The following RDH12 variants were observed in gnomAD, a reference collection of about 807,000 sequenced individuals.
The protein encoded by RDH12 is all-trans and 9-cis retinol dehydrogenase.
A neutral mutation model predicts 34.0 loss-of-function variants in RDH12; 21 were observed. The observed-to-expected ratio is 0.62, with a 90% confidence interval of 0.44 to 0.89. RDH12 has a LOEUF of 0.89. Ranked by LOEUF, RDH12 falls within the 40% of genes least tolerant of loss-of-function variation. The pLI is 0.00. For missense variants in RDH12, 394 were observed against 398.6 expected (o/e 0.99, Z 0.10); for synonymous variants, 198 against 169.9 (o/e 1.17, Z -1.29).
At chr14:67,728,601 A>G (rs2038221091) in intron 7 of RDH12, among the ~76,000 whole-genome samples, 1 of 151,966 alleles carries the variant, frequency 6.6e-6, no homozygotes. Flanking sequence ...CTATTTTACA[A>G]GCCTCTTTAA....
At chr14:67,708,360 GT>G (rs2037972732) in intron 1 of RDH12, among the ~76,000 whole-genome samples, 1 of 152,156 alleles carries the variant, frequency 6.6e-6, no homozygotes, top group Admixed American at 6.5e-5. Flanking sequence ...AGTCCTGAAA[GT>G]TTTTTCCTCT....
At chr14:67,707,772 T>C (rs368610780) in intron 1 of RDH12, among the ~76,000 whole-genome samples, 2 of 152,238 alleles carry the variant, frequency 1.3e-5, no homozygotes, top group East Asian at 3.8e-4. Context: ...CAAATACCTA[T>C]GAATTGAGTT....
intron 3 of RDH12, among the ~76,000 whole-genome samples, chr14:67,723,387 C>T (rs773030793): frequency 1.8e-4 from 27 of 152,186 alleles, no homozygotes; most frequent in Non-Finnish European, 2.9e-4. Flanking sequence ...GCAGGTGCCA[C>T]TACACCCAGC....
chr14:67,729,000 G>T (rs1477152037), intron 7 of RDH12, among the ~76,000 whole-genome samples, 191 bp from the exon 8 acceptor site: 2 of 152,190 alleles, frequency 1.3e-5, no homozygotes, highest in African/African-American at 4.8e-5. Context: ...AGGCTGAGAA[G>T]GCTATAGATC....
intron 4 of RDH12, 94 bp from the exon 5 acceptor site, chr14:67,725,005 T>A (rs2038167893): frequency 2.9e-6 from 4 of 1,374,364 alleles, no homozygotes; most frequent in African/African-American, 1.4e-5. Context: ...GCTGGGAGAA[T>A]GAATGCTCTG....
intron 1 of RDH12, among the ~76,000 whole-genome samples, chr14:67,713,821 C>T (rs1223174501): frequency 6.6e-6 from 1 of 152,100 alleles, no homozygotes; most frequent in East Asian, 1.9e-4. Context: ...AAATGAACAT[C>T]GGTTTGGTCT....
At chr14:67,729,158 G>T in intron 7 of RDH12, 33 bp from the exon 8 acceptor site, 1 of 1,606,536 alleles carries the variant, frequency 6.2e-7, no homozygotes, top group Non-Finnish European at 8.5e-7. Flanking sequence ...CTCAGAGTGT[G>T]TCCCTGATCT....
In RDH12 at chr14:67,734,027, C is replaced by A. The variant is rs972316580; in HGVS notation, c.*179C>A. The A allele has an allele frequency of 3.6e-6, 2 of 555,996 alleles. No individual in the cohort carries two copies. Among genetic ancestry groups the A allele is most frequent in the African/African-American group, 3.8e-5 (2 of 53,158 alleles). 34.4% of individuals were successfully genotyped at this position (555,996 alleles called of 1,614,324 possible). The stretch of plus-strand genomic sequence containing the variant: ...ACACCTGACACTCTTGTGAGACTGG[C>A]TTATGGCATGAGTTGTGGACACCTA... On this transcript the variant is annotated 3_prime_UTR_variant, in exon 9 of 9. Coordinates refer to ENST00000551171, the MANE Select transcript of RDH12 (RefSeq NM_152443.3).
intron 1 of RDH12, among the ~76,000 whole-genome samples, chr14:67,711,711 G>A (rs2038010235): frequency 6.6e-6 from 1 of 152,054 alleles, no homozygotes; most frequent in Non-Finnish European, 1.5e-5. Context: ...ACAACACTAG[G>A]CAGTTCTCAG....
At chr14:67,710,135 C>T (rs1043520496) in intron 1 of RDH12, among the ~76,000 whole-genome samples, 1 of 152,182 alleles carries the variant, frequency 6.6e-6, no homozygotes, top group African/African-American at 2.4e-5. Flanking sequence ...TGATTGATGT[C>T]TCATGTCTCC....
rs564474436 is a variant in RDH12 at position 67,733,860 on chromosome 14, G to C, written c.*12G>C. On this transcript the variant is annotated 3_prime_UTR_variant, in exon 9 of 9. Coordinates refer to ENST00000551171, the MANE Select transcript of RDH12 (RefSeq NM_152443.3). ...TCCGGTGGGAGTAGCTGGTGGAAGA[G>C]CTGCAGCTTTATCAGGCCCAATCCA... is the stretch of plus-strand genomic sequence containing the variant. The C allele has an allele frequency of 6.3e-6, 10 of 1,590,422 alleles. No individual in the cohort carries two copies. In the Admixed American group the frequency reaches 1.5e-4, roughly 24 times the overall value.
rs779597637 is a variant in RDH12, at chr14:67,726,117, C to G, written c.410C>G (p.Ala137Gly). Residue 137 changes from alanine (A) to glycine (G), a missense_variant, in exon 6 of 9, where the codon GCT becomes GGT. By Grantham distance (60) the Ala-to-Gly change is moderately conservative. Coordinates refer to ENST00000551171, the MANE Select transcript of RDH12 (RefSeq NM_152443.3). Reference sequence around the variant, plus strand: ...ATGATGTGTCCATATTCCAAGACAGCTGATGGCTTTGAAACCCACCTGGGA... The same window carrying G: ...ATGATGTGTCCATATTCCAAGACAGGTGATGGCTTTGAAACCCACCTGGGA... Reference protein sequence around the residue: ...GVMMCPYSKTADGFETHLGVN... With the variant: ...GVMMCPYSKTGDGFETHLGVN... 2.6e-5 allele frequency: 42 copies of G among 1,613,854 alleles called. No homozygotes were observed. Among genetic ancestry groups the G allele is most frequent in the Non-Finnish European group, 3.5e-5 (41 of 1,179,868 alleles).
At chr14:67,703,193 A>G (rs117116495) in intron 1 of RDH12, among the ~76,000 whole-genome samples, 1 of 152,176 alleles carries the variant, frequency 6.6e-6, no homozygotes, top group East Asian at 1.9e-4. Context: ...AGATAGTTGG[A>G]TCTAAATTAT....
At chr14:67,712,537 AAAAAACAAAAC>A (rs2038021629) in intron 1 of RDH12, among the ~76,000 whole-genome samples, 1 of 151,334 alleles carries the variant, frequency 6.6e-6, no homozygotes, top group African/African-American at 2.4e-5. Flanking sequence ...TTGGGTGAGA[AAAAAACAAAAC>A]AAAAACATGA....
intron 3 of RDH12, 42 bp from the exon 4 acceptor site, chr14:67,724,431 G>A (rs776535451): frequency 1.2e-5 from 15 of 1,224,382 alleles, no homozygotes; most frequent in Admixed American, 3.5e-5. Context: ...GTGTGAGCTC[G>A]TGAAGGATGG....
chr14:67,725,035 C>T (rs2038168375), intron 4 of RDH12, 64 bp from the exon 5 acceptor site: 1 of 1,580,166 alleles, frequency 6.3e-7, no homozygotes, highest in Non-Finnish European at 8.7e-7. Context: ...CCCAAGCTCA[C>T]TTACTATACC....
intron 1 of RDH12, chr14:67,714,990 T>C (rs536630770): frequency 6.6e-6 from 1 of 152,350 alleles, no homozygotes; most frequent in South Asian, 2.1e-4. Flanking sequence ...AGATTCTTGC[T>C]GAGAGAATTA....
chr14:67,717,085 A>G (rs2038077047), intron 1 of RDH12, among the ~76,000 whole-genome samples: 1 of 150,098 alleles, frequency 6.7e-6, no homozygotes, highest in Non-Finnish European at 1.5e-5. Context: ...CCCCTTTAAA[A>G]ACTTCAGCAT....
intron 1 of RDH12, among the ~76,000 whole-genome samples, chr14:67,717,243 G>C (rs2038078551): frequency 6.6e-6 from 1 of 152,208 alleles, no homozygotes; most frequent in African/African-American, 2.4e-5. Flanking sequence ...CCAAAGTCCT[G>C]TTGAGAGATA....
Sources: allele counts gnomAD v4.1 joint callset (sites outside exome capture counted in the v4.1 genomes callset), GRCh38; gene constraint gnomAD v4.1.1; transcripts MANE v1.5; gene names NCBI Gene and HGNC (gene_info 2026-07-23, HGNC 2026-07-21).